CCDC192: variants seen among roughly 807,000 people sequenced by gnomAD.
CCDC192 encodes coiled-coil domain-containing protein 192.
chr5:127,910,832 A>G (rs1396059923), intron 6 of CCDC192, among the ~76,000 whole-genome samples: 1 of 152,200 alleles, frequency 6.6e-6, no homozygotes, highest in Non-Finnish European at 1.5e-5. Context: ...GTTGTTTAAA[A>G]GTGGCAGACT....
At chr5:127,730,496 G>A (rs1752582885) in intron 2 of CCDC192, among the ~76,000 whole-genome samples, 1 of 152,092 alleles carries the variant, frequency 6.6e-6, no homozygotes, top group South Asian at 2.1e-4. Flanking sequence ...AATTGAAAAG[G>A]AGAGACTCCT....
At chr5:127,769,818 C>T (rs1019961270) in intron 3 of CCDC192, among the ~76,000 whole-genome samples, 3 of 152,080 alleles carry the variant, frequency 2.0e-5, no homozygotes, top group South Asian at 2.1e-4. Context: ...ATAACGTAGT[C>T]GAGGGCAGAA....
chr5:127,818,043 TC>T (rs1309901984), intron 5 of CCDC192, among the ~76,000 whole-genome samples: 15 of 152,166 alleles, frequency 9.9e-5, no homozygotes, highest in African/African-American at 3.6e-4. Flanking sequence ...AGAAGAGTCT[TC>T]AGAATAAAGT....
intron 6 of CCDC192, among the ~76,000 whole-genome samples, chr5:127,925,967 GC>G (rs1406545645): frequency 1.3e-5 from 2 of 152,188 alleles, no homozygotes; most frequent in South Asian, 2.1e-4. Context: ...AAATCAGGCA[GC>G]CCCCAGAATC....
At chr5:127,859,536 A>AT (rs1751266509) in intron 5 of CCDC192, among the ~76,000 whole-genome samples, 2 of 89,886 alleles carry the variant, frequency 2.2e-5, no homozygotes, top group African/African-American at 9.5e-5. Context: ...CAGGATGTTC[A>AT]TTTTAAAGGT....
At chr5:127,703,091 A>C (rs1208353718), upstream of CCDC192, among the ~76,000 whole-genome samples, 1 of 152,222 alleles carries the variant, frequency 6.6e-6, no homozygotes, top group Non-Finnish European at 1.5e-5. Context: ...CACCCCTCTC[A>C]GACAGCAGTG....
At chr5:127,710,437 C>A (rs760787421) in intron 2 of CCDC192, among the ~76,000 whole-genome samples, 8 of 152,080 alleles carry the variant, frequency 5.3e-5, no homozygotes, top group Non-Finnish European at 8.8e-5. Context: ...TAACCCCGCT[C>A]TCTCTGCCTT....
chr5:127,933,867 A>G (rs1754119734), intron 6 of CCDC192, among the ~76,000 whole-genome samples: 1 of 152,230 alleles, frequency 6.6e-6, no homozygotes, highest in African/African-American at 2.4e-5. Context: ...GGGAGGCACC[A>G]TCTATGAGGA....
At position 127,931,904 on chromosome 5, in the gene CCDC192, C is replaced by G. The variant is rs377106242; in HGVS notation, c.536-9278C>G. Reference sequence around the variant, plus strand: ...CGGTGGCTCACACCTGTAATCCCAGCACTTTGGGAGGCCGAGGCAGGTGGA... The same window carrying G: ...CGGTGGCTCACACCTGTAATCCCAGGACTTTGGGAGGCCGAGGCAGGTGGA... On this transcript the variant is annotated intron_variant, in intron 6 of 6. Coordinates refer to ENST00000514853, the MANE Select transcript of CCDC192 (RefSeq NM_001317938.2). 2.8e-4 allele frequency among the ~76,000 whole-genome samples: 43 copies of G among 152,124 alleles called. No individual in the cohort carries two copies. The South Asian group carries it at 8.7e-3, about 31-fold the overall frequency.
At chr5:127,717,928 C>CAAAAAAAAAAAAAAAAAAAAAAAAAA in intron 2 of CCDC192, among the ~76,000 whole-genome samples, 3 of 98,064 alleles carry the variant, frequency 3.1e-5, no homozygotes, top group Non-Finnish European at 4.1e-5. Context: ...TAAAGCTAGA[C>CAAAAAAAAAAAAAAAAAAAAAAAAAA]AAAAAAAAAA....
Position 127,798,153 on chromosome 5 carries a change from T to G in CCDC192, c.402T>G (p.Leu134=). 2.5e-6 allele frequency: 1 copy of G among 398,426 alleles called. No individual in the cohort carries two copies. The highest frequency in any genetic ancestry group is 4.4e-6 in the Non-Finnish European group (1 of 225,622). 24.7% of individuals were successfully genotyped at this position (398,426 alleles called of 1,614,324 possible). ...QAEVKASQEQ[L]IAQKLKHEKK... The stretch of plus-strand genomic sequence containing the variant: ...AAGTAAAAGCTTCCCAGGAGCAACT[T>G]ATAGCCCAGGTAAGTGTTTTCCTCC... The change falls in exon 5 of 7, where the codon CTT becomes CTG. Residue 134 remains leucine, a synonymous_variant. Transcript: ENST00000514853.
intron 2 of CCDC192, among the ~76,000 whole-genome samples, chr5:127,744,282 G>A (rs1753614448): frequency 6.6e-6 from 1 of 151,778 alleles, no homozygotes; most frequent in Admixed American, 6.6e-5. Flanking sequence ...AAGATGATCA[G>A]CTGGGGAAAG....
chr5:127,927,992 A>G (rs1485416919), intron 6 of CCDC192, among the ~76,000 whole-genome samples: 2 of 145,252 alleles, frequency 1.4e-5, no homozygotes. Context: ...AAGTGGCCCA[A>G]TCTTGGCTCA....
intron 5 of CCDC192, among the ~76,000 whole-genome samples, chr5:127,844,328 C>T (rs1750430591): frequency 6.6e-6 from 1 of 152,196 alleles, no homozygotes; most frequent in African/African-American, 2.4e-5. Flanking sequence ...GTAGATTAAA[C>T]TTGTTAATGA....
intron 5 of CCDC192, among the ~76,000 whole-genome samples, chr5:127,842,866 A>G (rs1033606731): frequency 1.3e-5 from 2 of 152,238 alleles, no homozygotes; most frequent in Middle Eastern, 3.4e-3. Context: ...GAAAATGGAA[A>G]TAGAGACTGT....
chr5:127,760,627 A>T (rs1754860547), intron 3 of CCDC192, among the ~76,000 whole-genome samples: 1 of 147,074 alleles, frequency 6.8e-6, no homozygotes, highest in Non-Finnish European at 1.5e-5. Context: ...AATACAAAAA[A>T]TTCGCCGGGC....
In CCDC192 at chr5:127,810,379, G is replaced by T. The variant is rs923470298; in HGVS notation, c.411+12217G>T. On this transcript the variant is annotated intron_variant, in intron 5 of 6. Coordinates refer to ENST00000514853, the MANE Select transcript of CCDC192 (RefSeq NM_001317938.2). ...AAAAGAAGAGATTGTTGAGGTGTGG[G>T]CTTGGAAAACTTCTAACTGGTCATA... Among the ~76,000 whole-genome samples, 5 of 152,308 alleles carry T rather than the reference G, an allele frequency of 3.3e-5. 1 individual carries two copies. Among genetic ancestry groups the T allele is most frequent in the African/African-American group, 1.2e-4 (5 of 41,564 alleles).
chr5:127,866,404 T>G (rs1365330298), intron 5 of CCDC192, among the ~76,000 whole-genome samples: 1 of 150,620 alleles, frequency 6.6e-6, no homozygotes, highest in Non-Finnish European at 1.5e-5. Flanking sequence ...AAATTTTACA[T>G]TTTCTTAGGA....
intron 1 of CCDC192, among the ~76,000 whole-genome samples, chr5:127,703,739 T>G (rs550354099): frequency 9.2e-5 from 14 of 152,220 alleles, no homozygotes; most frequent in South Asian, 8.3e-4. Context: ...GTTGAACAAA[T>G]AAATTGTCCC....
Sources: allele counts gnomAD v4.1 joint callset (sites outside exome capture counted in the v4.1 genomes callset), GRCh38; gene constraint gnomAD v4.1.1; transcripts MANE v1.5; gene names NCBI Gene and HGNC (gene_info 2026-07-23, HGNC 2026-07-21).